ABCA13: variants seen among roughly 807,000 people sequenced by gnomAD.
ABCA13 encodes ATP binding cassette subfamily A member 13.
Under a neutral mutation model 478.7 loss-of-function variants are expected in ABCA13, and 476 were observed. The ratio of observed to expected loss-of-function variants is 0.99; its 90% CI spans 0.92 to 1.07. The LOEUF (loss-of-function observed/expected upper bound fraction) is 1.07. Ranked by LOEUF, ABCA13 falls within the 50% of genes least tolerant of loss-of-function variation. The probability of loss-of-function intolerance (pLI) is 0.00; values close to 1 mark genes in which losing one functional copy is unlikely to be tolerated. For missense variants in ABCA13, 6,060 were observed against 5,910.6 expected, an observed-to-expected ratio of 1.03 and a Z score of -0.83; for synonymous variants, 2,252 against 2,158.9, an observed-to-expected ratio of 1.04 and a Z score of -1.20.
At chr7:48,499,692 G>A (rs114454546) in intron 48 of ABCA13, among the ~76,000 whole-genome samples, 23 of 152,296 alleles carry the variant, frequency 1.5e-4, no homozygotes, top group Non-Finnish European at 1.5e-5. Context: ...TTATTCAAAT[G>A]TACTCAACAT....
rs1392962864 is a variant in ABCA13 at position 48,645,746 on chromosome 7, A to G, written c.*234A>G. ...CTCCTCCAAAACATTTGTTCTCTTTACCATGCCAGATGGACACCAGCTTCT... is the reference window on the plus strand; with the variant it reads ...CTCCTCCAAAACATTTGTTCTCTTTGCCATGCCAGATGGACACCAGCTTCT... On this transcript the variant is annotated 3_prime_UTR_variant, in exon 62 of 62. Transcript: ENST00000435803. 3 of 447,880 alleles carry G rather than the reference A, an allele frequency of 6.7e-6. No homozygotes were observed. The highest frequency in any genetic ancestry group is 1.2e-5 in the Non-Finnish European group (3 of 249,864). The allele number at this position is 447,880 out of a possible 1,614,324, so 27.7% of individuals were successfully genotyped here. A position where few individuals can be genotyped will look rare whatever the true frequency, so the allele number is the denominator to read the frequency against.
At chr7:48,411,047 C>CTTTCTT (rs1563208946) in intron 40 of ABCA13, among the ~76,000 whole-genome samples, 1 of 59,338 alleles carries the variant, frequency 1.7e-5, no homozygotes, top group African/African-American at 5.9e-5. Flanking sequence ...TTCTTTCTTT[C>CTTTCTT]TTTTTCTTTC....
intron 20 of ABCA13, among the ~76,000 whole-genome samples, chr7:48,289,454 G>A (rs1444563203): frequency 6.6e-6 from 1 of 151,490 alleles, no homozygotes; most frequent in Non-Finnish European, 1.5e-5. Flanking sequence ...TGCCTCCCGG[G>A]TTCAAGTGAT....
chr7:48,343,449 T>A (rs1807554873), intron 29 of ABCA13, among the ~76,000 whole-genome samples: 1 of 152,148 alleles, frequency 6.6e-6, no homozygotes, highest in Non-Finnish European at 1.5e-5. Context: ...GAGCTCAAAG[T>A]CCCGTGGACC....
chr7:48,241,815 A>G (rs775531883), intron 10 of ABCA13, among the ~76,000 whole-genome samples: 3 of 152,234 alleles, frequency 2.0e-5, no homozygotes, highest in Non-Finnish European at 4.4e-5. Context: ...CTTAAGAAAT[A>G]GCAATTCTAA....
intron 27 of ABCA13, among the ~76,000 whole-genome samples, chr7:48,319,014 T>C (rs1362238431): frequency 1.3e-5 from 2 of 152,312 alleles, no homozygotes; most frequent in East Asian, 3.9e-4. Flanking sequence ...TTAGATATAC[T>C]ATGCTATAAA....
intron 41 of ABCA13, among the ~76,000 whole-genome samples, chr7:48,422,710 C>T (rs1052576383): frequency 1.4e-4 from 21 of 152,178 alleles, no homozygotes; most frequent in African/African-American, 4.1e-4. Flanking sequence ...CCCCCAGCGA[C>T]GTCCACGTCC....
chr7:48,273,385 A>G lies in ABCA13; in HGVS notation c.3719A>G (p.Asn1240Ser). The G allele has an allele frequency of 6.2e-7, 1 of 1,613,626 alleles. No homozygotes were observed. The change falls in exon 17 of 62, where the codon AAT (asparagine) becomes AGT (serine). Residue 1240 changes from asparagine (N) to serine (S), a missense_variant. Transcript: ENST00000435803. ...AGGGATTTTTTGGTAGCTTTAGGTA[A>G]TGCATTAGTTTCAGTAAAAAAACTT... Reference protein sequence around the residue: ...DLRDFLVALGNALVSVKKLNL... With the variant: ...DLRDFLVALGSALVSVKKLNL...
chr7:48,495,499 T>G (rs766761012), intron 48 of ABCA13, among the ~76,000 whole-genome samples: 23 of 152,172 alleles, frequency 1.5e-4, no homozygotes, highest in Non-Finnish European at 2.5e-4. Context: ...TAAAAAAAAG[T>G]ATTCTACTCT....
chr7:48,464,741 C>T (rs1337603365), intron 43 of ABCA13, among the ~76,000 whole-genome samples: 3 of 152,098 alleles, frequency 2.0e-5, no homozygotes, highest in East Asian at 1.9e-4. Flanking sequence ...CAACTTGGTT[C>T]GACACATCAT....
In ABCA13 at chr7:48,372,177, A is replaced by G. The variant is rs1178184902; in HGVS notation, c.10813A>G (p.Met3605Val). ...TTTCTCTTTTTGGTAGTATATGCGG[A>G]TGATGGGAGTGCATCCAGTGATCCA... ...QEIQIEEYMR[M>V]MGVHPVIHFL... The change falls in exon 33 of 62, where the codon ATG becomes GTG. Residue 3605 changes from methionine to valine, a missense_variant. Around this residue, in one of 3 missense-constraint regions of ABCA13, gnomAD observed 4,423 missense variants for 4,309.1 expected, o/e 1.03. Coordinates refer to ENST00000435803, the MANE Select transcript of ABCA13 (RefSeq NM_152701.5). 1 of 1,612,684 alleles carries G rather than the reference A, an allele frequency of 6.2e-7. No homozygotes were observed. Among genetic ancestry groups the G allele is most frequent in the Non-Finnish European group, 8.5e-7 (1 of 1,178,970 alleles).
intron 56 of ABCA13, among the ~76,000 whole-genome samples, chr7:48,581,026 G>A (rs1788655433): frequency 6.6e-6 from 1 of 152,180 alleles, no homozygotes; most frequent in South Asian, 2.1e-4. Flanking sequence ...GGACAGCCTT[G>A]ATTGACAGCT....
intron 22 of ABCA13, among the ~76,000 whole-genome samples, chr7:48,297,827 TAC>T (rs1279289151): frequency 1.3e-4 from 20 of 150,620 alleles, no homozygotes; most frequent in Non-Finnish European, 2.2e-4. Context: ...CCAGCTGGAG[TAC>T]AGTGGCGTGA....
intron 48 of ABCA13, among the ~76,000 whole-genome samples, chr7:48,494,612 C>T (rs980359842): frequency 7.9e-5 from 12 of 152,020 alleles, no homozygotes; most frequent in African/African-American, 2.9e-4. Context: ...AAGGACTGAT[C>T]CCCCAACCAC....
intron 58 of ABCA13, among the ~76,000 whole-genome samples, chr7:48,609,291 A>G (rs1254492073): frequency 1.3e-5 from 2 of 152,112 alleles, no homozygotes; most frequent in Non-Finnish European, 2.9e-5. Flanking sequence ...CCTCCTATTC[A>G]TTTGGTTTCA....
intron 59 of ABCA13, among the ~76,000 whole-genome samples, chr7:48,628,998 A>G (rs1454906312): frequency 2.0e-5 from 3 of 152,220 alleles, no homozygotes; most frequent in Admixed American, 6.5e-5. Context: ...CTCTGATGCC[A>G]TTTATCTTTA....
At chr7:48,414,595 T>TGTA (rs1399103221) in intron 41 of ABCA13, among the ~76,000 whole-genome samples, 3 of 150,086 alleles carry the variant, frequency 2.0e-5, no homozygotes, top group Non-Finnish European at 3.0e-5. Context: ...ATAATATACA[T>TGTA]ACATATACAT....
chr7:48,504,731 C>T (rs1011691810), intron 48 of ABCA13, among the ~76,000 whole-genome samples: 9 of 152,118 alleles, frequency 5.9e-5, no homozygotes, highest in Non-Finnish European at 1.3e-4. Flanking sequence ...CAGTGGTCCA[C>T]GGGCCATACT....
At chr7:48,334,698 TG>T (rs774317369) in intron 27 of ABCA13, among the ~76,000 whole-genome samples, 2 of 152,234 alleles carry the variant, frequency 1.3e-5, no homozygotes, top group Non-Finnish European at 2.9e-5. Flanking sequence ...TTTGCTGTGC[TG>T]GCTGCTTTTC....
Sources: gnomAD v4.1 joint callset for allele counts (sites outside exome capture counted in the v4.1 genomes callset) on GRCh38, gnomAD v4.1.1 for gene constraint, gnomAD v4.1.1 regional missense constraint, MANE v1.5 for transcripts, NCBI Gene and HGNC (gene_info 2026-07-23, HGNC 2026-07-21) for gene names.